DGKB: variants seen among roughly 807,000 people sequenced by gnomAD.
The protein encoded by DGKB is 90 kDa diacylglycerol kinase.
DGKB carries 67 observed loss-of-function variants against 114.3 expected under a neutral mutation model. That is an observed-to-expected ratio of 0.59 (90% CI 0.48 to 0.72). The LOEUF (loss-of-function observed/expected upper bound fraction) is 0.72, where lower values mean the gene tolerates loss of function less well. Among genes scored for constraint, DGKB ranks in the 30% least tolerant of loss-of-function variants. DGKB has a pLI of 0.00. For missense variants in DGKB, 907 were observed against 975.2 expected (o/e 0.93, Z 0.93); for synonymous variants, 398 against 323.1 (o/e 1.23, Z -2.49).
At chr7:14,656,421 G>A (rs769586304) in intron 13 of DGKB, among the ~76,000 whole-genome samples, 4 of 151,156 alleles carry the variant, frequency 2.6e-5, no homozygotes, top group Non-Finnish European at 5.9e-5. Context: ...TGAGGTCAGC[G>A]AAGAAAATTG....
intron 23 of DGKB, among the ~76,000 whole-genome samples, chr7:14,325,476 A>C (rs543835541): frequency 6.6e-6 from 1 of 152,336 alleles, no homozygotes; most frequent in Non-Finnish European, 1.5e-5. Flanking sequence ...ACCTGCATAA[A>C]GAAGGCATTC....
intron 13 of DGKB, among the ~76,000 whole-genome samples, chr7:14,664,449 G>C (rs1413814589): frequency 1.3e-5 from 2 of 151,924 alleles, no homozygotes; most frequent in African/African-American, 4.8e-5. Flanking sequence ...AATCATTTAA[G>C]CTCATATTTA....
At chr7:14,520,437 T>C (rs1375975071) in intron 20 of DGKB, among the ~76,000 whole-genome samples, 1 of 151,842 alleles carries the variant, frequency 6.6e-6, no homozygotes, top group Admixed American at 6.6e-5. Context: ...AGGCCTTTTT[T>C]TCTCTTCTAC....
intron 21 of DGKB, among the ~76,000 whole-genome samples, chr7:14,382,603 G>A (rs1819665280): frequency 6.6e-6 from 1 of 152,264 alleles, no homozygotes; most frequent in East Asian, 1.9e-4. Flanking sequence ...AAAATTTACT[G>A]CTGTATTAAG....
intron 23 of DGKB, among the ~76,000 whole-genome samples, chr7:14,283,998 G>T (rs1183119048): frequency 2.0e-5 from 3 of 152,068 alleles, no homozygotes; most frequent in Non-Finnish European, 2.9e-5. Context: ...GGCAACAAAA[G>T]ACAAAATTGA....
intron 3 of DGKB, among the ~76,000 whole-genome samples, chr7:14,754,737 A>G (rs1834621546): frequency 6.6e-6 from 1 of 152,186 alleles, no homozygotes; most frequent in South Asian, 2.1e-4. Flanking sequence ...CGTTCTTAAC[A>G]TTATATTATT....
At chr7:14,732,193 C>A (rs1308817957) in intron 5 of DGKB, among the ~76,000 whole-genome samples, 1 of 57,940 alleles carries the variant, frequency 1.7e-5, no homozygotes, top group African/African-American at 5.0e-5. Flanking sequence ...CAGTAGTGAG[C>A]ATAATTTTTT....
At chr7:14,882,651 A>C (rs1774493447) in intron 1 of DGKB, among the ~76,000 whole-genome samples, 1 of 151,818 alleles carries the variant, frequency 6.6e-6, no homozygotes, top group Non-Finnish European at 1.5e-5. Context: ...ACCCATGTGC[A>C]CAGTTTTTAG....
At chr7:14,739,090 C>T (rs901197894) in intron 4 of DGKB, among the ~76,000 whole-genome samples, 8 of 152,164 alleles carry the variant, frequency 5.3e-5, no homozygotes, top group South Asian at 2.1e-4. Context: ...TCATTAAAAT[C>T]GCTGCCTGTA....
At chr7:14,303,336 C>T (rs1306758536) in intron 23 of DGKB, among the ~76,000 whole-genome samples, 2 of 152,006 alleles carry the variant, frequency 1.3e-5, no homozygotes, top group East Asian at 1.9e-4. Context: ...ACTGTATTTC[C>T]CGCCGTAGTT....
intron 17 of DGKB, among the ~76,000 whole-genome samples, chr7:14,585,116 T>C (rs1380220341): frequency 6.6e-6 from 1 of 152,204 alleles, no homozygotes; most frequent in Non-Finnish European, 1.5e-5. Context: ...CATCTGATTA[T>C]AATATCCATG....
At chr7:14,390,420 A>C (rs1168742040) in intron 21 of DGKB, among the ~76,000 whole-genome samples, 1 of 152,176 alleles carries the variant, frequency 6.6e-6, no homozygotes, top group Non-Finnish European at 1.5e-5. Flanking sequence ...TGGATAAAAG[A>C]CCATTCCTTG....
intron 1 of DGKB, among the ~76,000 whole-genome samples, chr7:14,881,626 TTG>T (rs1005221291): frequency 6.6e-6 from 1 of 152,070 alleles, no homozygotes; most frequent in African/African-American, 2.4e-5. Context: ...AGAATGCTAG[TTG>T]TTTTGTACCA....
intron 2 of DGKB, among the ~76,000 whole-genome samples, chr7:14,811,801 TAC>T (rs999784973): frequency 3.6e-5 from 4 of 110,648 alleles, no homozygotes; most frequent in Admixed American, 9.6e-5. Flanking sequence ...TATGTATATA[TAC>T]ACACACACAC....
At position 14,496,650 on chromosome 7, in the gene DGKB, T is replaced by G. The variant is rs142551774; in HGVS notation, c.1771-18425A>C. Reference sequence around the variant, plus strand: ...TAATATTTGTAAATCTCTTCTTCCCTTAACTACTCATTTTTCTTTGAAACT... The same window carrying G: ...TAATATTTGTAAATCTCTTCTTCCCGTAACTACTCATTTTTCTTTGAAACT... On this transcript the variant is annotated intron_variant, in intron 20 of 25. Transcript: ENST00000402815. 4.7e-4 allele frequency among the ~76,000 whole-genome samples: 71 copies of G among 151,932 alleles called. 1 individual carries two copies. In the East Asian group the frequency reaches 0.013, roughly 27 times the overall value.
At chr7:14,909,514 T>C (rs893226901) in intron 1 of DGKB, among the ~76,000 whole-genome samples, 1 of 152,006 alleles carries the variant, frequency 6.6e-6, no homozygotes, top group African/African-American at 2.4e-5. Context: ...GAAAAAAAAA[T>C]GTTTTTCATT....
At chr7:14,551,923 G>C (rs1044346499) in intron 20 of DGKB, among the ~76,000 whole-genome samples, 7 of 151,948 alleles carry the variant, frequency 4.6e-5, no homozygotes, top group African/African-American at 1.7e-4. Context: ...AAATTAAATT[G>C]AAAGATAATA....
At chr7:14,559,016 G>A (rs996127938) in intron 20 of DGKB, among the ~76,000 whole-genome samples, 1 of 152,140 alleles carries the variant, frequency 6.6e-6, no homozygotes, top group African/African-American at 2.4e-5. Flanking sequence ...TATTTTCTTA[G>A]AAGCCTCCAA....
At chr7:14,839,792 T>G (rs1473353677) in intron 2 of DGKB, among the ~76,000 whole-genome samples, 1 of 152,186 alleles carries the variant, frequency 6.6e-6, no homozygotes, top group Non-Finnish European at 1.5e-5. Flanking sequence ...GTAATCATAT[T>G]TTTATTATTA....
Sources: allele counts gnomAD v4.1 joint callset (sites outside exome capture counted in the v4.1 genomes callset), GRCh38; gene constraint gnomAD v4.1.1; transcripts MANE v1.5; gene names NCBI Gene and HGNC (gene_info 2026-07-23, HGNC 2026-07-21).